Variants in ASAH2 observed in about 807,000 individuals in gnomAD.
ASAH2 encodes the protein N-acylsphingosine amidohydrolase 2, also known as neutral ceramidase.
In ASAH2, 58 loss-of-function variants were observed where a neutral mutation model predicts 82.9. The observed-to-expected ratio is 0.70, with a 90% CI of 0.57 to 0.87. The LOEUF is 0.87. Among genes scored for constraint, ASAH2 ranks in the 40% least tolerant of loss-of-function variants. The probability of loss-of-function intolerance (pLI) is 0.00; values close to 1 mark genes in which losing one functional copy is unlikely to be tolerated. For synonymous variants in ASAH2, 276 were observed against 289.7 expected (o/e 0.95, Z 0.48); for missense variants, 779 against 834.0 (o/e 0.93, Z 0.81).
At chr10:50,246,040 A>G (rs1251837162) in intron 2 of ASAH2, among the ~76,000 whole-genome samples, 1 of 152,206 alleles carries the variant, frequency 6.6e-6, no homozygotes, top group Non-Finnish European at 1.5e-5. Context: ...CATCTTAATT[A>G]TTCTAGTATT....
intron 14 of ASAH2, among the ~76,000 whole-genome samples, chr10:50,204,242 GA>G (rs1378036581): frequency 3.3e-4 from 49 of 150,644 alleles, no homozygotes; most frequent in African/African-American, 1.1e-3. Flanking sequence ...GCTGTGTTGA[GA>G]AAAAAAAACT....
At chr10:50,241,910 T>G (rs1589357822) in intron 4 of ASAH2, among the ~76,000 whole-genome samples, 1 of 152,048 alleles carries the variant, frequency 6.6e-6, no homozygotes, top group East Asian at 1.9e-4. Flanking sequence ...AGGGGAGGGA[T>G]AGCATTAGGA....
chr10:50,218,192 A>G (rs1186620744), intron 8 of ASAH2, among the ~76,000 whole-genome samples: 1 of 152,160 alleles, frequency 6.6e-6, no homozygotes, highest in African/African-American at 2.4e-5. Flanking sequence ...GTAAATATCA[A>G]CAGTTTGTCA....
At chr10:50,226,441 T>C (rs1424810341) in intron 7 of ASAH2, among the ~76,000 whole-genome samples, 1 of 152,238 alleles carries the variant, frequency 6.6e-6, no homozygotes, top group South Asian at 2.1e-4. Flanking sequence ...GACTTTTTAA[T>C]TTTTTTCTTA....
At position 50,196,613 on chromosome 10, in the gene ASAH2, A is replaced by G. The variant is rs1216529138; in HGVS notation, c.2004+160T>C. On this transcript the variant is annotated intron_variant, in intron 18 of 20. Coordinates refer to ENST00000682911, the MANE Select transcript of ASAH2 (RefSeq NM_019893.4). ...ACACAATTACTTACAAAAAATAAAT[A>G]TTTCCCCATTCTCATTACTTTTGCA... 2.1e-5 allele frequency among the ~76,000 whole-genome samples: 3 copies of G among 145,684 alleles called. No homozygotes were observed. The East Asian group carries it at 5.9e-4, about 29-fold the overall frequency.
intron 7 of ASAH2, among the ~76,000 whole-genome samples, chr10:50,231,183 A>G (rs1455700936): frequency 1.3e-5 from 2 of 152,160 alleles, no homozygotes; most frequent in African/African-American, 4.8e-5. Context: ...CAGTGTAACT[A>G]GCAGAGATGT....
rs1554902359 is a variant in ASAH2 at position 50,187,084 on chromosome 10, C to CCTCTCTCTCTCTCTCTCTCTCT, written c.*209_*230dup. The CCTCTCTCTCTCTCTCTCTCTCT allele has an allele frequency of 1.7e-3, 316 of 183,500 alleles. 70 individuals are homozygous for CCTCTCTCTCTCTCTCTCTCTCT. The highest frequency in any genetic ancestry group is 2.3e-3 in the Non-Finnish European group (232 of 99,332). The allele number at this position is 183,500 out of a possible 1,614,324, so 11.4% of individuals were successfully genotyped here. ...GCTGGAGCAAGATATATGGGACAAACCTCTCTCTCTCTCTCTCTCTCTCTC... is the reference window on the plus strand; with the variant it reads ...GCTGGAGCAAGATATATGGGACAAACCTCTCTCTCTCTCTCTCTCTCTCTCTCTCTCTCTCTCTCTCTCTCTC... On this transcript the variant is annotated 3_prime_UTR_variant, in exon 21 of 21. Transcript: ENST00000682911.
chr10:50,196,321 A>T (rs1178662698), intron 18 of ASAH2, among the ~76,000 whole-genome samples: 4 of 152,124 alleles, frequency 2.6e-5, no homozygotes, highest in African/African-American at 9.6e-5. Context: ...CACAGATGAC[A>T]TGATACTATA....
Position 50,235,124 on chromosome 10 carries a change from T to C in ASAH2, c.688-572A>G, listed in dbSNP as rs574593433. On this transcript the variant is annotated intron_variant, in intron 5 of 20. Transcript: ENST00000682911. ...ATATCTTACAATCTATTTTTTAGCATTTTTTATGTAATGTTTTTTGCAATC... is the reference window on the plus strand; with the variant it reads ...ATATCTTACAATCTATTTTTTAGCACTTTTTATGTAATGTTTTTTGCAATC... Among the ~76,000 whole-genome samples the C allele has an allele frequency of 3.1e-3, 474 of 152,278 alleles. 3 individuals are homozygous for C. Among genetic ancestry groups the C allele is most frequent in the African/African-American group, 0.011 (439 of 41,556 alleles).
chr10:50,202,504 G>A (rs1845177803), intron 16 of ASAH2, among the ~76,000 whole-genome samples: 1 of 152,026 alleles, frequency 6.6e-6, no homozygotes. Context: ...CAGTGCTACA[G>A]AGGCTTAAGG....
chr10:50,208,364 T>C (rs1312423341), intron 12 of ASAH2, among the ~76,000 whole-genome samples: 2 of 152,006 alleles, frequency 1.3e-5, no homozygotes, highest in East Asian at 3.8e-4. Flanking sequence ...ATTAAAACTA[T>C]TAATATTTCT....
At chr10:50,224,135 T>C (rs1845818222) in intron 7 of ASAH2, among the ~76,000 whole-genome samples, 1 of 152,186 alleles carries the variant, frequency 6.6e-6, no homozygotes, top group African/African-American at 2.4e-5. Flanking sequence ...ATGAGTTACT[T>C]AATTTATTTG....
intron 7 of ASAH2, among the ~76,000 whole-genome samples, chr10:50,223,410 G>T (rs1845798059): frequency 6.6e-6 from 1 of 152,136 alleles, no homozygotes. Flanking sequence ...CAGCCTCTGT[G>T]CAGCTCACTG....
intron 18 of ASAH2, among the ~76,000 whole-genome samples, chr10:50,195,150 A>G (rs1168514258): frequency 1.3e-5 from 2 of 151,648 alleles, no homozygotes; most frequent in Non-Finnish European, 2.9e-5. Context: ...GCATCCAATA[A>G]AGAGTTAATA....
At chr10:50,206,144 C>T in intron 12 of ASAH2, 47 bp from the exon 13 acceptor site, 1 of 1,289,218 alleles carries the variant, frequency 7.8e-7, no homozygotes, top group Non-Finnish European at 1.1e-6. Context: ...CCAACCCTCT[C>T]AAAAAAGTCA....
At chr10:50,245,773 A>AG (rs1846439062) in intron 2 of ASAH2, among the ~76,000 whole-genome samples, 2 of 152,276 alleles carry the variant, frequency 1.3e-5, no homozygotes, top group South Asian at 2.1e-4. Context: ...AACAGGTGCC[A>AG]GGTTTACTAA....
intron 8 of ASAH2, 83 bp downstream of exon 8, chr10:50,218,427 A>G: frequency 1.3e-6 from 2 of 1,586,156 alleles, no homozygotes; most frequent in Admixed American, 1.7e-5. Context: ...TATTCTGGAG[A>G]TTTGAATCAC....
At chr10:50,245,101 G>T (rs182853337) in intron 3 of ASAH2, 121 bp downstream of exon 3, 9 of 912,104 alleles carry the variant, frequency 9.9e-6, no homozygotes, top group East Asian at 2.4e-5. Context: ...CAGCAGCAAG[G>T]TCAATTAAAA....
At position 50,186,612 on chromosome 10, in the gene ASAH2, CTCATAA is replaced by C. The variant is rs1423805660; in HGVS notation, c.*697_*702del. On this transcript the variant is annotated 3_prime_UTR_variant, in exon 21 of 21. Transcript: ENST00000682911. Reference sequence around the variant, plus strand: ...ATCAAAATATTGGAAGTCTGACTTTCTCATAATTGTGTCCTGAAGGCAATTCCAGAA... The same window carrying C: ...ATCAAAATATTGGAAGTCTGACTTTCTTGTGTCCTGAAGGCAATTCCAGAA... 1.4e-5 allele frequency: 2 copies of C among 147,710 alleles called. No homozygotes were observed. The highest frequency in any genetic ancestry group is 3.0e-5 in the Non-Finnish European group (2 of 67,630). The allele number at this position is 147,710 out of a possible 1,614,324, so 9.1% of individuals were successfully genotyped here. A position where few individuals can be genotyped will look rare whatever the true frequency, so the allele number is the denominator to read the frequency against.
Sources: gnomAD v4.1 joint callset for allele counts (sites outside exome capture counted in the v4.1 genomes callset) on GRCh38, gnomAD v4.1.1 for gene constraint, MANE v1.5 for transcripts, NCBI Gene and HGNC (gene_info 2026-07-23, HGNC 2026-07-21) for gene names.